KLF7: variants seen among roughly 807,000 people sequenced by gnomAD.
KLF7 encodes the protein KLF transcription factor 7.
Under a neutral mutation model 27.3 loss-of-function variants are expected in KLF7, and 2 were observed. The ratio of observed to expected loss-of-function variants is 0.07; its 90% CI spans 0.03 to 0.23. KLF7 has a LOEUF of 0.23. Among genes scored for constraint, KLF7 ranks in the 10% least tolerant of loss-of-function variants. KLF7 has a pLI of 1.00. For synonymous variants in KLF7, 165 were observed against 162.4 expected (o/e 1.02, Z -0.12); for missense variants, 221 against 394.1 (o/e 0.56, Z 3.72).
intron 1 of KLF7, among the ~76,000 whole-genome samples, chr2:207,127,885 T>C (rs1252103221): frequency 2.0e-5 from 3 of 152,168 alleles, no homozygotes; most frequent in Non-Finnish European, 2.9e-5. Context: ...ACTGAGGTAT[T>C]AGTATTTCCT....
intron 1 of KLF7, among the ~76,000 whole-genome samples, chr2:207,136,988 T>C (rs2077807349): frequency 6.6e-6 from 1 of 152,208 alleles, no homozygotes; most frequent in Non-Finnish European, 1.5e-5. Context: ...TGGGTGCTTG[T>C]GGCTGCCCAT....
intron 1 of KLF7, among the ~76,000 whole-genome samples, chr2:207,142,676 G>A (rs1335084164): frequency 6.6e-6 from 1 of 152,136 alleles, no homozygotes. Context: ...TTGCCAAGTG[G>A]AGAAAGGGAA....
chr2:207,084,503 G>A (rs1164499314), intron 3 of KLF7, among the ~76,000 whole-genome samples: 1 of 151,900 alleles, frequency 6.6e-6, no homozygotes, highest in Admixed American at 6.6e-5. Flanking sequence ...CACCCCTACT[G>A]AATCAAATGA....
At chr2:207,162,753 GTTC>G (rs1235229766) in intron 1 of KLF7, among the ~76,000 whole-genome samples, 1 of 152,136 alleles carries the variant, frequency 6.6e-6, no homozygotes, top group African/African-American at 2.4e-5. Context: ...ACGTAAAAAT[GTTC>G]TTGAGTTTAT....
rs190507458 is a variant in KLF7, at chr2:207,154,057, C to T, written c.102+11410G>A. On this transcript the variant is annotated intron_variant, in intron 1 of 3. Coordinates refer to ENST00000309446, the MANE Select transcript of KLF7 (RefSeq NM_003709.4). ...ACAACCACATCAAATTATTGCTTTT[C>T]AGAGGCCAATTCAAAAACACCCTAC... 2.0e-3 allele frequency among the ~76,000 whole-genome samples: 303 copies of T among 152,264 alleles called. 6 individuals carry two copies. The highest frequency in any genetic ancestry group is 0.017 in the Admixed American group (257 of 15,278).
At chr2:207,083,151 T>C (rs917152221) in intron 3 of KLF7, among the ~76,000 whole-genome samples, 4 of 152,212 alleles carry the variant, frequency 2.6e-5, no homozygotes, top group African/African-American at 9.7e-5. Context: ...ACAGTGTCAC[T>C]AAGTTTTCTT....
chr2:207,117,151 C>G (rs536821745), intron 2 of KLF7, among the ~76,000 whole-genome samples: 19 of 152,208 alleles, frequency 1.2e-4, no homozygotes, highest in South Asian at 4.1e-4. Context: ...CCCACAAAGC[C>G]TATATTTATT....
chr2:207,163,547 T>C (rs1044544234), intron 1 of KLF7, among the ~76,000 whole-genome samples: 7 of 152,226 alleles, frequency 4.6e-5, no homozygotes, highest in Admixed American at 1.3e-4. Flanking sequence ...TAGCCAGATC[T>C]AGAAAAGCAG....
chr2:207,103,644 C>T (rs1376104489), intron 2 of KLF7, among the ~76,000 whole-genome samples: 1 of 152,222 alleles, frequency 6.6e-6, no homozygotes, highest in Non-Finnish European at 1.5e-5. Flanking sequence ...CAGACACACA[C>T]ACACAACTCA....
chr2:207,081,882 G>A (rs1343262640), intron 3 of KLF7, among the ~76,000 whole-genome samples: 1 of 151,378 alleles, frequency 6.6e-6, no homozygotes, highest in Non-Finnish European at 1.5e-5. Flanking sequence ...GATGAAGAAG[G>A]GTGCTCACAG....
chr2:207,087,558 C>T (rs1423148913), intron 3 of KLF7, among the ~76,000 whole-genome samples: 1 of 152,168 alleles, frequency 6.6e-6, no homozygotes, highest in Admixed American at 6.5e-5. Context: ...CTGAGGCTTT[C>T]AGGGGCTTTT....
chr2:207,166,740 G>A (rs184306665), upstream of KLF7: 5,562 of 952,030 alleles, frequency 5.8e-3, 17 homozygotes, highest in Non-Finnish European at 6.6e-3. Flanking sequence ...GGCGGTGCCG[G>A]GGAGGTCCTC....
chr2:207,131,369 TA>T (rs2077629596), intron 1 of KLF7, among the ~76,000 whole-genome samples: 1 of 152,228 alleles, frequency 6.6e-6, no homozygotes. Flanking sequence ...GAGTTTCAAG[TA>T]AAGAAAGAGA....
intron 2 of KLF7, among the ~76,000 whole-genome samples, chr2:207,094,576 G>C (rs1026924094): frequency 6.6e-6 from 1 of 152,202 alleles, no homozygotes; most frequent in Non-Finnish European, 1.5e-5. Flanking sequence ...AGTCGCACTA[G>C]AGAATTTAAG....
rs180934106 is a variant in KLF7, at chr2:207,142,809, G to A, written c.103-18405C>T. Among the ~76,000 whole-genome samples, 266 of 152,316 alleles carry A rather than the reference G, an allele frequency of 1.7e-3. 1 individual carries two copies. Among genetic ancestry groups the A allele is most frequent in the African/African-American group, 5.9e-3 (245 of 41,552 alleles). On this transcript the variant is annotated intron_variant, in intron 1 of 3. Transcript: ENST00000309446. ...GATGAATGGGGTACACATTACGGAG[G>A]AGCAAGAAATGCATGCCCTCGGGCC...
intron 1 of KLF7, among the ~76,000 whole-genome samples, chr2:207,139,658 G>A (rs1191552000): frequency 6.6e-6 from 1 of 152,112 alleles, no homozygotes; most frequent in African/African-American, 2.4e-5. Flanking sequence ...CATTTCATAA[G>A]CTTTTCAACT....
intron 2 of KLF7, 127 bp downstream of exon 2, chr2:207,123,647 C>A: frequency 9.8e-7 from 1 of 1,020,044 alleles, no homozygotes; most frequent in South Asian, 1.6e-5. Context: ...TACCTGGGGC[C>A]TCCCGCCTGT....
chr2:207,123,330 T>A (rs1256039641), intron 2 of KLF7, among the ~76,000 whole-genome samples: 2 of 152,124 alleles, frequency 1.3e-5, no homozygotes, highest in African/African-American at 4.8e-5. Context: ...TGATGAAAAA[T>A]CAGGATGCTG....
intron 3 of KLF7, among the ~76,000 whole-genome samples, chr2:207,082,985 T>A (rs2076309577): frequency 6.6e-6 from 1 of 152,144 alleles, no homozygotes; most frequent in South Asian, 2.1e-4. Context: ...CACATAAAAA[T>A]GCGAAAAGTA....
Sources: allele counts gnomAD v4.1 joint callset (sites outside exome capture counted in the v4.1 genomes callset), GRCh38; gene constraint gnomAD v4.1.1; transcripts MANE v1.5; gene names NCBI Gene and HGNC (gene_info 2026-07-23, HGNC 2026-07-21).